The following DLG2 variants were observed in gnomAD, a reference collection of about 807,000 sequenced individuals.
DLG2 encodes the protein discs large MAGUK scaffold protein 2.
DLG2 carries 45 observed loss-of-function variants against 132.5 expected under a neutral mutation model. The ratio of observed to expected loss-of-function variants is 0.34; its 90% CI spans 0.27 to 0.44. The LOEUF (loss-of-function observed/expected upper bound fraction) is 0.44, where lower values mean the gene tolerates loss of function less well. Among genes scored for constraint, DLG2 ranks in the 20% least tolerant of loss-of-function variants. The pLI, the probability that DLG2 is intolerant of heterozygous loss-of-function variation, is 1.00. For missense variants in DLG2, 1,045 were observed against 1,196.9 expected (o/e 0.87, Z 1.87); for synonymous variants, 424 against 419.6 (o/e 1.01, Z -0.13).
In DLG2 at chr11:85,241,071, C is replaced by T. The variant is rs553922885; in HGVS notation, c.186+44149G>A. On this transcript the variant is annotated intron_variant, in intron 4 of 27. Transcript: ENST00000376104. ...TTTATTTATTTAGATATTATTAATG[C>T]TTTTTAATAAAGTTTTATACCTTTG... 2.6e-3 allele frequency among the ~76,000 whole-genome samples: 390 copies of T among 151,442 alleles called. 3 individuals are homozygous for T. The highest frequency in any genetic ancestry group is 8.7e-3 in the African/African-American group (360 of 41,410).
At chr11:84,368,952 C>G (rs1001310046) in intron 7 of DLG2, among the ~76,000 whole-genome samples, 1 of 151,976 alleles carries the variant, frequency 6.6e-6, no homozygotes, top group Non-Finnish European at 1.5e-5. Flanking sequence ...AGTAGCTACT[C>G]AAAATATTTT....
At chr11:84,426,474 C>A (rs1364534524) in intron 7 of DLG2, among the ~76,000 whole-genome samples, 2 of 152,080 alleles carry the variant, frequency 1.3e-5, no homozygotes, top group Admixed American at 6.6e-5. Context: ...ATTAATTGAC[C>A]TTTCTTTGCC....
intron 6 of DLG2, among the ~76,000 whole-genome samples, chr11:85,025,900 TTAG>T (rs1260158356): frequency 6.6e-6 from 1 of 151,884 alleles, no homozygotes; most frequent in Non-Finnish European, 1.5e-5. Context: ...AATAAATGTT[TTAG>T]ATACACATGA....
At chr11:84,572,896 A>C (rs2099489093) in intron 6 of DLG2, among the ~76,000 whole-genome samples, 1 of 152,132 alleles carries the variant, frequency 6.6e-6, no homozygotes, top group Non-Finnish European at 1.5e-5. Flanking sequence ...TTTGGGAACC[A>C]AGAGAAACCT....
chr11:85,021,018 T>G, intron 6 of DLG2: 1 of 773,120 alleles, frequency 1.3e-6, no homozygotes, highest in Non-Finnish European at 2.4e-6. Flanking sequence ...ATCTACTGCT[T>G]GTTTGTTCTG....
At chr11:84,838,377 G>A (rs1307865536) in intron 6 of DLG2, among the ~76,000 whole-genome samples, 8 of 143,930 alleles carry the variant, frequency 5.6e-5, no homozygotes, top group African/African-American at 7.8e-5. Flanking sequence ...TGTTTTAGCC[G>A]AAGCACAAGA....
At chr11:84,573,280 A>T (rs1442413630) in intron 6 of DLG2, among the ~76,000 whole-genome samples, 1 of 152,176 alleles carries the variant, frequency 6.6e-6, no homozygotes, top group Admixed American at 6.6e-5. Context: ...TTAGTTATCT[A>T]TTAAGTAGCA....
chr11:84,881,735 G>A (rs2087378718), intron 6 of DLG2, among the ~76,000 whole-genome samples: 1 of 152,094 alleles, frequency 6.6e-6, no homozygotes. Flanking sequence ...AAGGCAGACT[G>A]TGATACTGTA....
chr11:85,271,284 T>C lies in DLG2; in HGVS notation c.186+13936A>G, dbSNP rs184745501. Among the ~76,000 whole-genome samples, 6 of 152,324 alleles carry C rather than the reference T, an allele frequency of 3.9e-5. No individual in the cohort carries two copies. The East Asian group carries it at 9.6e-4, about 24-fold the overall frequency. Reference sequence around the variant, plus strand: ...CCTATGGGTACACAGAAGTCAAGAATTGAGGTTTGGAAACCTCCGCCTAGA... The same window carrying C: ...CCTATGGGTACACAGAAGTCAAGAACTGAGGTTTGGAAACCTCCGCCTAGA... On this transcript the variant is annotated intron_variant, in intron 4 of 27. Coordinates refer to ENST00000376104, the MANE Select transcript of DLG2 (RefSeq NM_001142699.3).
intron 17 of DLG2, among the ~76,000 whole-genome samples, chr11:83,806,056 C>A (rs1431177058): frequency 6.6e-6 from 1 of 152,108 alleles, no homozygotes; most frequent in Non-Finnish European, 1.5e-5. Context: ...TTGGGCCTAA[C>A]TTCCTCCTCC....
intron 6 of DLG2, chr11:85,020,883 G>C: frequency 1.3e-6 from 1 of 765,486 alleles, no homozygotes; most frequent in Non-Finnish European, 2.4e-6. Context: ...CCCCTCCTCA[G>C]CAGAGTCATG....
chr11:84,127,122 C>G (rs2094208986), intron 9 of DLG2, among the ~76,000 whole-genome samples: 1 of 152,116 alleles, frequency 6.6e-6, no homozygotes, highest in Non-Finnish European at 1.5e-5. Flanking sequence ...GGATGTTTAT[C>G]AAAGGGCTAT....
intron 6 of DLG2, among the ~76,000 whole-genome samples, chr11:85,101,543 G>A (rs987573111): frequency 6.6e-6 from 1 of 152,032 alleles, no homozygotes; most frequent in East Asian, 1.9e-4. Context: ...GTTGATGTTA[G>A]AGAGAATAAG....
chr11:85,474,358 G>A (rs945873058), intron 3 of DLG2, among the ~76,000 whole-genome samples: 2 of 151,830 alleles, frequency 1.3e-5, no homozygotes, highest in African/African-American at 4.8e-5. Flanking sequence ...TTATCATATA[G>A]ACTCAAAATC....
intron 8 of DLG2, among the ~76,000 whole-genome samples, chr11:84,177,701 C>T (rs2096008125): frequency 2.0e-5 from 3 of 152,102 alleles, no homozygotes; most frequent in Non-Finnish European, 4.4e-5. Flanking sequence ...CAGATATCTG[C>T]CTCAGTTTTC....
intron 3 of DLG2, among the ~76,000 whole-genome samples, chr11:85,584,080 T>C (rs979733635): frequency 3.9e-5 from 6 of 152,268 alleles, no homozygotes; most frequent in African/African-American, 1.4e-4. Flanking sequence ...TTAGTGGTGA[T>C]TTCCAAGATT....
rs552170044 is a variant in DLG2 at position 84,105,919 on chromosome 11, T to C, written c.625-6872A>G. The stretch of plus-strand genomic sequence containing the variant: ...TTCCAGCAAAGCCATTTGTTTATTT[T>C]AATTTAATATAGTTTATACTACAAA... On this transcript the variant is annotated intron_variant, in intron 9 of 27. Coordinates refer to ENST00000376104, the MANE Select transcript of DLG2 (RefSeq NM_001142699.3). 5.9e-5 allele frequency among the ~76,000 whole-genome samples: 9 copies of C among 152,224 alleles called. No homozygotes were observed. In the South Asian group the frequency reaches 1.7e-3, roughly 28 times the overall value.
intron 7 of DLG2, among the ~76,000 whole-genome samples, chr11:84,411,558 G>A (rs944254431): frequency 8.3e-5 from 12 of 144,648 alleles, no homozygotes; most frequent in African/African-American, 3.4e-4. Flanking sequence ...AGACATCTGT[G>A]GTACTTTTTT....
In DLG2 at chr11:84,722,989, A is replaced by C. The variant is rs118113636; in HGVS notation, c.358-188258T>G. On this transcript the variant is annotated intron_variant, in intron 6 of 27. Coordinates refer to ENST00000376104, the MANE Select transcript of DLG2 (RefSeq NM_001142699.3). ...GGCCTTCTGTGAAAATTTAAAGTCAAATGTACAGATTAAGTATATCCTTTA... is the reference window on the plus strand; with the variant it reads ...GGCCTTCTGTGAAAATTTAAAGTCACATGTACAGATTAAGTATATCCTTTA... Among the ~76,000 whole-genome samples the C allele has an allele frequency of 7.0e-3, 1,068 of 152,278 alleles. 7 individuals carry two copies. Among genetic ancestry groups the C allele is most frequent in the Non-Finnish European group, 0.01 (692 of 68,004 alleles).
Sources: gnomAD v4.1 joint callset for allele counts (sites outside exome capture counted in the v4.1 genomes callset) on GRCh38, gnomAD v4.1.1 for gene constraint, MANE v1.5 for transcripts, NCBI Gene and HGNC (gene_info 2026-07-23, HGNC 2026-07-21) for gene names.